COPS2: variants seen among roughly 807,000 people sequenced by gnomAD.
COPS2 encodes COP9 signalosome subunit 2.
In COPS2, 10 loss-of-function variants were observed where a neutral mutation model predicts 66.1. The observed-to-expected ratio is 0.15, with a 90% CI of 0.09 to 0.26. The LOEUF (loss-of-function observed/expected upper bound fraction) is 0.26. Ranked by LOEUF, COPS2 falls within the 10% of genes least tolerant of loss-of-function variation. The pLI, the probability that COPS2 is intolerant of heterozygous loss-of-function variation, is 1.00. For synonymous variants in COPS2, 179 were observed against 171.3 expected, an observed-to-expected ratio of 1.04 and a Z score of -0.35; for missense variants, 215 against 513.3, an observed-to-expected ratio of 0.42 and a Z score of 5.62.
At chr15:49,148,557 G>A (rs530755848) in intron 1 of COPS2, among the ~76,000 whole-genome samples, 1 of 152,192 alleles carries the variant, frequency 6.6e-6, no homozygotes, top group Non-Finnish European at 1.5e-5. Flanking sequence ...GATGAAAGAT[G>A]AACTGGTATT....
intron 2 of COPS2, 89 bp downstream of exon 2, chr15:49,144,876 T>G: frequency 1.4e-6 from 1 of 704,598 alleles, no homozygotes; most frequent in Non-Finnish European, 2.4e-6. Flanking sequence ...TCAAAACACA[T>G]TTCTGAGATA....
chr15:49,154,730 A>G (rs998929949), intron 1 of COPS2, among the ~76,000 whole-genome samples: 1 of 152,200 alleles, frequency 6.6e-6, no homozygotes, highest in Admixed American at 6.5e-5. Context: ...TAATAAATGA[A>G]GCTTTGAATC....
intron 2 of COPS2, 134 bp downstream of exon 2, chr15:49,144,831 G>A (rs1302127389): frequency 3.7e-6 from 2 of 535,748 alleles, no homozygotes; most frequent in Non-Finnish European, 3.2e-6. Flanking sequence ...ACTTGCTTGT[G>A]CTGCCTAATG....
chr15:49,128,267 AACCAGATTTCAGAT>A (rs1414568014), intron 12 of COPS2, among the ~76,000 whole-genome samples, 173 bp from the exon 13 acceptor site: 3 of 152,200 alleles, frequency 2.0e-5, no homozygotes, highest in Non-Finnish European at 4.4e-5. Flanking sequence ...TCTAGATAGA[AACCAGATTTCAGAT>A]ACTTTTCATC....
chr15:49,155,472 C>T (rs1456005532), intron 1 of COPS2, 53 bp downstream of exon 1: 3 of 1,586,074 alleles, frequency 1.9e-6, no homozygotes, highest in East Asian at 2.2e-5. Context: ...CCGGCCCGGA[C>T]CCCGAAAACA....
At chr15:49,129,851 T>A (rs2084195980) in intron 10 of COPS2, among the ~76,000 whole-genome samples, 2 of 152,162 alleles carry the variant, frequency 1.3e-5, no homozygotes, top group African/African-American at 4.8e-5. Context: ...ACAGTTAATA[T>A]CTTTAAAGAA....
chr15:49,130,952 C>T, intron 9 of COPS2, 136 bp from the exon 10 acceptor site: 1 of 460,428 alleles, frequency 2.2e-6, no homozygotes, highest in Non-Finnish European at 3.8e-6. Context: ...ATGGAAATCA[C>T]AGTTAAACAA....
chr15:49,155,368 G>A (rs1017027729), intron 1 of COPS2, among the ~76,000 whole-genome samples, 157 bp downstream of exon 1: 8 of 152,188 alleles, frequency 5.3e-5, no homozygotes, highest in African/African-American at 1.9e-4. Flanking sequence ...GCCCGGGCCC[G>A]GTGCGGGAAC....
chr15:49,128,480 TAAG>T, intron 12 of COPS2, among the ~76,000 whole-genome samples: 1 of 151,460 alleles, frequency 6.6e-6, no homozygotes, highest in South Asian at 2.1e-4. Flanking sequence ...CTGTATATAA[TAAG>T]AAATCCTTCT....
At chr15:49,133,897 G>A in intron 8 of COPS2, 33 bp downstream of exon 8, 1 of 1,565,660 alleles carries the variant, frequency 6.4e-7, no homozygotes. Flanking sequence ...CCAGATAGCT[G>A]ATAAGAGAAA....
At chr15:49,133,674 T>C in intron 9 of COPS2, 85 bp downstream of exon 9, 1 of 868,864 alleles carries the variant, frequency 1.2e-6, no homozygotes, top group Non-Finnish European at 1.8e-6. Context: ...TGTTGAATAT[T>C]AACTGAGTTC....
intron 6 of COPS2, among the ~76,000 whole-genome samples, chr15:49,135,105 A>ATATATT (rs2084241673): frequency 2.0e-5 from 3 of 152,246 alleles, no homozygotes; most frequent in African/African-American, 7.2e-5. Context: ...ATACTGTAAT[A>ATATATT]AAAGTTATGT....
In COPS2 at chr15:49,127,755, T is replaced by G. The variant is rs1256374143; in HGVS notation, c.*195A>C. On this transcript the variant is annotated 3_prime_UTR_variant, in exon 13 of 13. Coordinates refer to ENST00000388901, the MANE Select transcript of COPS2 (RefSeq NM_004236.4). ...ATCCCATGGTATTTTGGTTTTCTTC[T>G]GGAGATTAAAGCTGTTTTTCTTGGG... 2 of 550,880 alleles carry G rather than the reference T, an allele frequency of 3.6e-6. No homozygotes were observed. Among genetic ancestry groups the G allele is most frequent in the Admixed American group, 7.0e-5 (2 of 28,718 alleles). The allele number at this position is 550,880 out of a possible 1,614,324, so 34.1% of individuals were successfully genotyped here.
chr15:49,144,372 T>C (rs1318295359), intron 2 of COPS2, 68 bp from the exon 3 acceptor site: 1 of 868,084 alleles, frequency 1.2e-6, no homozygotes, highest in African/African-American at 1.7e-5. Flanking sequence ...ATGCCCAATG[T>C]GTAAGTATTG....
In COPS2 at chr15:49,122,834, T is replaced by C. The variant is rs1383376829; in HGVS notation, c.*5116A>G. On this transcript the variant is annotated 3_prime_UTR_variant, in exon 13 of 13. Coordinates refer to ENST00000388901, the MANE Select transcript of COPS2 (RefSeq NM_004236.4). ...CATCTTATGACACATCCTGCACATA[T>C]AATCAGTTCTCAATTATTAATTGGT... 6.6e-6 allele frequency: 1 copy of C among 152,218 alleles called. No homozygotes were observed. The highest frequency in any genetic ancestry group is 1.5e-5 in the Non-Finnish European group (1 of 68,008). 9.4% of individuals were successfully genotyped at this position (152,218 alleles called of 1,614,324 possible).
intron 4 of COPS2, 112 bp from the exon 5 acceptor site, chr15:49,137,549 A>G: frequency 1.3e-6 from 1 of 763,870 alleles, no homozygotes; most frequent in Non-Finnish European, 2.2e-6. Context: ...CACATAAGAT[A>G]CACTATCTGT....
At chr15:49,152,179 A>G (rs1471608927) in intron 1 of COPS2, among the ~76,000 whole-genome samples, 1 of 151,812 alleles carries the variant, frequency 6.6e-6, no homozygotes, top group East Asian at 1.9e-4. Context: ...AAACATAAAA[A>G]AAAAAAAAGA....
At chr15:49,130,838 A>C (rs1239638599) in intron 9 of COPS2, 22 bp from the exon 10 acceptor site, 1 of 1,293,358 alleles carries the variant, frequency 7.7e-7, no homozygotes, top group Admixed American at 1.7e-5. Context: ...ACAAAGTGTA[A>C]ATTATGTCAA....
At chr15:49,137,515 A>G (rs1399754866) in intron 4 of COPS2, 78 bp from the exon 5 acceptor site, 7 of 1,024,894 alleles carry the variant, frequency 6.8e-6, no homozygotes, top group Non-Finnish European at 9.1e-6. Context: ...GAACAAACTA[A>G]AAGTGCATCT....
Sources: allele counts gnomAD v4.1 joint callset (sites outside exome capture counted in the v4.1 genomes callset), GRCh38; gene constraint gnomAD v4.1.1; transcripts MANE v1.5; gene names NCBI Gene and HGNC (gene_info 2026-07-23, HGNC 2026-07-21).